Variants in CSGALNACT1 observed in about 807,000 individuals in gnomAD.
CSGALNACT1 encodes chondroitin sulfate N-acetylgalactosaminyltransferase 1.
Under a neutral mutation model 51.0 loss-of-function variants are expected in CSGALNACT1, and 52 were observed. The observed-to-expected ratio is 1.02, with a 90% CI of 0.82 to 1.29. The LOEUF (loss-of-function observed/expected upper bound fraction) is 1.29. CSGALNACT1 is among the 50% of genes most tolerant of loss of function. The probability of loss-of-function intolerance (pLI) is 0.00; values close to 1 mark genes in which losing one functional copy is unlikely to be tolerated. For missense variants in CSGALNACT1, 935 were observed against 679.2 expected (o/e 1.38, Z -4.19); for synonymous variants, 341 against 254.4 (o/e 1.34, Z -3.24).
chr8:19,578,622 G>A (rs1195078059), intron 3 of CSGALNACT1, among the ~76,000 whole-genome samples: 2 of 152,058 alleles, frequency 1.3e-5, no homozygotes, highest in East Asian at 3.9e-4. Flanking sequence ...ACATTTGTGG[G>A]TGTGTTAGAT....
intron 5 of CSGALNACT1, among the ~76,000 whole-genome samples, chr8:19,453,626 C>A (rs531696763): frequency 6.6e-6 from 1 of 152,174 alleles, no homozygotes; most frequent in Non-Finnish European, 1.5e-5. Flanking sequence ...GAACAACAGA[C>A]GTTGGCCAGG....
At chr8:19,750,060 C>A (rs2064932266) in intron 1 of CSGALNACT1, among the ~76,000 whole-genome samples, 1 of 152,206 alleles carries the variant, frequency 6.6e-6, no homozygotes, top group South Asian at 2.1e-4. Flanking sequence ...CCCCCTGCAT[C>A]CTGGATCCCC....
chr8:19,748,387 T>C (rs1180241590), intron 1 of CSGALNACT1, among the ~76,000 whole-genome samples: 1 of 152,152 alleles, frequency 6.6e-6, no homozygotes, highest in African/African-American at 2.4e-5. Context: ...ATATATTTGA[T>C]TATAATAATC....
intron 6 of CSGALNACT1, among the ~76,000 whole-genome samples, chr8:19,428,765 G>A (rs562144711): frequency 6.6e-6 from 1 of 151,860 alleles, no homozygotes; most frequent in African/African-American, 2.4e-5. Flanking sequence ...GCTCTGCAGA[G>A]GACACAAGGT....
intron 9 of CSGALNACT1, 50 bp downstream of exon 8, chr8:19,408,563 A>T: frequency 6.7e-7 from 1 of 1,486,440 alleles, no homozygotes; most frequent in Non-Finnish European, 9.3e-7. Context: ...TTCAAGGCCT[A>T]CATGGGCCCG....
intron 3 of CSGALNACT1, among the ~76,000 whole-genome samples, chr8:19,549,063 T>A (rs1452217944): frequency 6.6e-6 from 1 of 152,080 alleles, no homozygotes; most frequent in Non-Finnish European, 1.5e-5. Context: ...GTAGTCCTCC[T>A]GCCTCAGCCT....
chr8:19,643,706 G>T (rs865972132), intron 1 of CSGALNACT1, among the ~76,000 whole-genome samples: 16 of 151,936 alleles, frequency 1.1e-4, no homozygotes, highest in South Asian at 2.1e-4. Context: ...ATTTTCTGAA[G>T]TTTAATAAAT....
At chr8:19,504,708 T>A (rs983188531) in intron 4 of CSGALNACT1, among the ~76,000 whole-genome samples, 6 of 152,236 alleles carry the variant, frequency 3.9e-5, no homozygotes, top group Non-Finnish European at 7.3e-5. Context: ...CTGTCACTTG[T>A]TAGCTGAGCA....
intron 1 of CSGALNACT1, among the ~76,000 whole-genome samples, chr8:19,689,816 A>T (rs1436025867): frequency 6.6e-6 from 1 of 152,214 alleles, no homozygotes; most frequent in Non-Finnish European, 1.5e-5. Context: ...TAGCATAAAG[A>T]AGTCCCCTGT....
intron 4 of CSGALNACT1, among the ~76,000 whole-genome samples, chr8:19,467,978 C>G (rs1180188851): frequency 6.6e-6 from 1 of 152,230 alleles, no homozygotes; most frequent in East Asian, 1.9e-4. Context: ...AGAGTGAAAC[C>G]CTGTCTCATA....
chr8:19,586,368 A>T (rs2046638910), intron 3 of CSGALNACT1, among the ~76,000 whole-genome samples: 1 of 151,500 alleles, frequency 6.6e-6, no homozygotes, highest in Non-Finnish European at 1.5e-5. Flanking sequence ...CAGAAAACAC[A>T]AACAAAAACA....
chr8:19,537,685 A>G (rs1333472719), intron 3 of CSGALNACT1, among the ~76,000 whole-genome samples: 1 of 152,174 alleles, frequency 6.6e-6, no homozygotes, highest in African/African-American at 2.4e-5. Flanking sequence ...CAGTTGACAA[A>G]TCCATAAGCA....
chr8:19,705,918 CTTTCA>C (rs1285152865), intron 1 of CSGALNACT1, among the ~76,000 whole-genome samples: 2 of 152,104 alleles, frequency 1.3e-5, no homozygotes, highest in Non-Finnish European at 2.9e-5. Flanking sequence ...TTTTCATTTT[CTTTCA>C]TTTCCTCGAT....
intron 4 of CSGALNACT1, among the ~76,000 whole-genome samples, chr8:19,468,305 G>A (rs2067201152): frequency 6.6e-6 from 1 of 152,184 alleles, no homozygotes; most frequent in Non-Finnish European, 1.5e-5. Flanking sequence ...TGGCCACCTT[G>A]AGGCAGTTCG....
At chr8:19,703,596 C>A (rs937919859) in intron 1 of CSGALNACT1, among the ~76,000 whole-genome samples, 4 of 152,188 alleles carry the variant, frequency 2.6e-5, no homozygotes, top group Non-Finnish European at 5.9e-5. Flanking sequence ...TGTGAGCCAC[C>A]ATGCCCAGCC....
At chr8:19,743,768 A>G (rs893691208) in intron 1 of CSGALNACT1, among the ~76,000 whole-genome samples, 3 of 152,242 alleles carry the variant, frequency 2.0e-5, no homozygotes, top group Non-Finnish European at 4.4e-5. Flanking sequence ...AATTAATGCC[A>G]TCAAGTAACT....
intron 4 of CSGALNACT1, among the ~76,000 whole-genome samples, chr8:19,479,336 T>C (rs1026703638): frequency 1.3e-4 from 20 of 152,180 alleles, no homozygotes; most frequent in African/African-American, 3.6e-4. Context: ...CTGGATAGAC[T>C]ATGGGAAAAA....
At chr8:19,754,058 C>T (rs1277581388) in intron 1 of CSGALNACT1, among the ~76,000 whole-genome samples, 3 of 150,620 alleles carry the variant, frequency 2.0e-5, no homozygotes, top group South Asian at 2.1e-4. Context: ...TTTTCAGTCT[C>T]GCTCTGTTGC....
chr8:19,594,007 T>G (rs895689392), intron 2 of CSGALNACT1, among the ~76,000 whole-genome samples: 4 of 152,118 alleles, frequency 2.6e-5, no homozygotes, highest in African/African-American at 9.7e-5. Context: ...GGGGACATCA[T>G]GAATTGAGGG....
Sources: gnomAD v4.1 joint callset for allele counts (sites outside exome capture counted in the v4.1 genomes callset) on GRCh38, gnomAD v4.1.1 for gene constraint, MANE v1.5 for transcripts, NCBI Gene and HGNC (gene_info 2026-07-23, HGNC 2026-07-21) for gene names.